The following TMEM223 variants were observed in gnomAD, a reference collection of about 807,000 sequenced individuals.
The protein encoded by TMEM223 is transmembrane protein 223.
TMEM223 carries 14 observed loss-of-function variants against 14.1 expected under a neutral mutation model. The observed-to-expected ratio is 0.99, with a 90% confidence interval of 0.66 to 1.55. The LOEUF (loss-of-function observed/expected upper bound fraction) is 1.55. Ranked by LOEUF, TMEM223 falls within the 40% of genes most tolerant of loss-of-function variation. The pLI, the probability that TMEM223 is intolerant of heterozygous loss-of-function variation, is 0.00. For missense variants in TMEM223, 346 were observed against 269.9 expected, an observed-to-expected ratio of 1.28 and a Z score of -1.97; for synonymous variants, 145 against 120.5, an observed-to-expected ratio of 1.20 and a Z score of -1.33.
At chr11:62,789,774 G>A (rs916236306), downstream of TMEM223, 1 of 1,515,168 alleles carries the variant, frequency 6.6e-7, no homozygotes, top group African/African-American at 1.4e-5. Flanking sequence ...CCAGTGAGAG[G>A]AGCTGAAGGG....
Position 62,790,478 on chromosome 11 carries a change from G to A in TMEM223, c.*145C>T, listed in dbSNP as rs2134745565. The A allele has an allele frequency of 3.6e-6, 2 of 560,732 alleles. No individual in the cohort carries two copies. Among genetic ancestry groups the A allele is most frequent in the Admixed American group, 7.3e-5 (2 of 27,260 alleles). 34.7% of individuals were successfully genotyped at this position (560,732 alleles called of 1,614,324 possible). A position where few individuals can be genotyped will look rare whatever the true frequency, so the allele number is the denominator to read the frequency against. On this transcript the variant is annotated 3_prime_UTR_variant, in exon 2 of 2. Coordinates refer to ENST00000307366, the MANE Select transcript of TMEM223 (RefSeq NM_001080501.3). ...GTAAATAGAGACAAGGTCTCGCTAT[G>A]TTGCCCAGCCTGGGCTCGAGCAGTG...
At chr11:62,779,019 GTTTTTT>G in intron 1 of TMEM223, 17 of 932,516 alleles carry the variant, frequency 1.8e-5, no homozygotes, top group African/African-American at 3.7e-5. Context: ...TTCTAGACCT[GTTTTTT>G]TTTTTTTTTT....
At chr11:62,784,997 C>G (rs1021853649), downstream of TMEM223, among the ~76,000 whole-genome samples, 1 of 151,888 alleles carries the variant, frequency 6.6e-6, no homozygotes, top group Non-Finnish European at 1.5e-5. Flanking sequence ...AGATTTAGAT[C>G]ATCTTTTTCT....
intron 2 of TMEM223, among the ~76,000 whole-genome samples, chr11:62,773,815 A>C (rs142282925): frequency 5.9e-5 from 9 of 152,330 alleles, no homozygotes; most frequent in African/African-American, 2.2e-4. Context: ...GACATCCCTG[A>C]GCAAGTGACA....
downstream of TMEM223, among the ~76,000 whole-genome samples, chr11:62,785,234 C>G (rs1033600993): frequency 6.6e-6 from 1 of 151,860 alleles, no homozygotes; most frequent in African/African-American, 2.4e-5. Context: ...CACTGTCACC[C>G]AGGCTGGAGT....
chr11:62,787,495 G>T, downstream of TMEM223: 1 of 1,578,944 alleles, frequency 6.3e-7, no homozygotes, highest in Non-Finnish European at 8.5e-7. Flanking sequence ...CCTGTGCGGG[G>T]CCGTGGCGGC....
chr11:62,790,605 T>C lies in TMEM223; in HGVS notation c.*18A>G. On this transcript the variant is annotated 3_prime_UTR_variant, in exon 2 of 2. Transcript: ENST00000307366. ...TTTATCCTCCTCTTGGAGAGGTGAG[T>C]GACTTGAGGTCATTTCTTCACAAGC... The C allele has an allele frequency of 6.3e-7, 1 of 1,593,486 alleles. No individual in the cohort carries two copies. Among genetic ancestry groups the C allele is most frequent in the South Asian group, 1.1e-5 (1 of 88,800 alleles).
At chr11:62,785,416 A>ACTCCTGAC (rs1193375019), downstream of TMEM223, among the ~76,000 whole-genome samples, 3 of 139,032 alleles carry the variant, frequency 2.2e-5, no homozygotes, top group Non-Finnish European at 4.6e-5. Context: ...CTCGTCTCGA[A>ACTCCTGAC]CTCCTGACCT....
chr11:62,787,579 A>C (rs1285436153), downstream of TMEM223: 2 of 1,469,482 alleles, frequency 1.4e-6, no homozygotes, highest in Non-Finnish European at 1.8e-6. Flanking sequence ...CGGTCTGGAC[A>C]TGGCGAGGCC....
chr11:62,771,928 C>T, exon 3 of TMEM223: 1 of 354,710 alleles, frequency 2.8e-6, no homozygotes, highest in South Asian at 2.1e-5. Flanking sequence ...TCTAGGGTCA[C>T]CAAGGGGTGG....
In TMEM223 at chr11:62,791,931, A is replaced by G. The variant is rs972718616; in HGVS notation, c.64T>C (p.Cys22Arg). Residue 22 changes from cysteine (C) to arginine (R), a missense_variant, in exon 1 of 2, where the codon TGC becomes CGC. Physicochemically the swap from Cys to Arg is radical, Grantham distance 180 (BLOSUM62 -3). Transcript: ENST00000307366. ...AGCGTCGTGCCTTGCAGGGGCCGGC[A>G]GGTGAGCAGGGGCCGCAGCACGGCT... ...LLAVLRPLLT[C>R]RPLQGTTLQR... The G allele has an allele frequency of 6.3e-7, 1 of 1,597,118 alleles. No homozygotes were observed. The highest frequency in any genetic ancestry group is 1.3e-5 in the African/African-American group (1 of 74,726).
chr11:62,779,965 T>C (rs1232688278), intron 1 of TMEM223, among the ~76,000 whole-genome samples: 4 of 72,136 alleles, frequency 5.5e-5, no homozygotes, highest in Non-Finnish European at 1.0e-4. Flanking sequence ...TATATATATA[T>C]ATATATATAT....
At position 62,790,765 on chromosome 11, in the gene TMEM223, C is replaced by T. The variant is rs773843280; in HGVS notation, c.467G>A (p.Cys156Tyr). The change falls in exon 2 of 2, where the codon TGC (cysteine) becomes TAC (tyrosine). Residue 156 changes from cysteine to tyrosine, a missense_variant. Transcript: ENST00000307366. ...HFTVPLKQVS[C>Y]MAHRGEVPAM... ...AGGGACTTCACCCCGGTGGGCCATG[C>T]AAGATACCTGCTTCAAAGGAACTGT... is the stretch of plus-strand genomic sequence containing the variant. The T allele has an allele frequency of 1.9e-6, 3 of 1,609,800 alleles. No homozygotes were observed. In the Admixed American group the frequency reaches 5.1e-5, roughly 27 times the overall value.
At chr11:62,787,614 C>G, downstream of TMEM223, 1 of 1,425,214 alleles carries the variant, frequency 7.0e-7, no homozygotes, top group East Asian at 2.5e-5. Context: ...ACCGGGCTTG[C>G]TGCTGCTCGG....
At chr11:62,787,228 A>ATCGGCCGTACCAGCCGCC, downstream of TMEM223, 2 of 1,580,364 alleles carry the variant, frequency 1.3e-6, no homozygotes, top group Non-Finnish European at 1.7e-6. Flanking sequence ...ACTGCCCATG[A>ATCGGCCGTACCAGCCGCC]TCGGCCGTAC....
Position 62,790,634 on chromosome 11 carries a change from G to C in TMEM223, c.598C>G (p.Arg200Gly). 6.2e-7 allele frequency: 1 copy of C among 1,607,964 alleles called. No individual in the cohort carries two copies. Among genetic ancestry groups the C allele is most frequent in the Non-Finnish European group, 8.5e-7 (1 of 1,175,830 alleles). Residue 200 changes from arginine (R) to glycine (G), a missense_variant, in exon 2 of 2, where the codon CGG becomes GGG. Arg to Gly is a moderately radical substitution (Grantham distance 125). Coordinates refer to ENST00000307366, the MANE Select transcript of TMEM223 (RefSeq NM_001080501.3). ...KLFDNTVGAYRSL is the reference protein window; with the variant it reads ...KLFDNTVGAYGSL ...TTGAGGTCATTTCTTCACAAGCTCC[G>C]GTAGGCACCCACAGTATTGTCAAAG... is the stretch of plus-strand genomic sequence containing the variant.
At chr11:62,787,926 C>T (rs1382423785), downstream of TMEM223, 1 of 502,384 alleles carries the variant, frequency 2.0e-6, no homozygotes, top group East Asian at 5.5e-5. Flanking sequence ...GATGATCAAG[C>T]TGCCACATGA....
chr11:62,787,290 G>C, downstream of TMEM223: 2 of 1,539,472 alleles, frequency 1.3e-6, no homozygotes, highest in Non-Finnish European at 1.7e-6. Context: ...TGTACTTGCC[G>C]CTCTGAGTCA....
At chr11:62,785,579 G>A (rs1439403467), downstream of TMEM223, among the ~76,000 whole-genome samples, 2 of 150,062 alleles carry the variant, frequency 1.3e-5, no homozygotes, top group African/African-American at 4.9e-5. Context: ...TTGCTTCCCA[G>A]GGTGGAGTGC....
Sources: gnomAD v4.1 joint callset for allele counts (sites outside exome capture counted in the v4.1 genomes callset) on GRCh38, gnomAD v4.1.1 for gene constraint, MANE v1.5 for transcripts, NCBI Gene and HGNC (gene_info 2026-07-23, HGNC 2026-07-21) for gene names.